GULP1: variants seen among roughly 807,000 people sequenced by gnomAD.
The protein encoded by GULP1 is PTB domain-containing engulfment adapter protein 1.
Under a neutral mutation model 40.9 loss-of-function variants are expected in GULP1, and 19 were observed. The ratio of observed to expected loss-of-function variants is 0.46; its 90% confidence interval spans 0.32 to 0.68. The LOEUF (loss-of-function observed/expected upper bound fraction) is 0.68. Among genes scored for constraint, GULP1 ranks in the 30% least tolerant of loss-of-function variants. The pLI is 0.03. For missense variants in GULP1, 312 were observed against 362.2 expected (o/e 0.86, Z 1.12); for synonymous variants, 119 against 117.6 (o/e 1.01, Z -0.08).
intron 7 of GULP1, among the ~76,000 whole-genome samples, chr2:188,560,487 G>C (rs994515440): frequency 4.6e-5 from 7 of 152,038 alleles, no homozygotes; most frequent in African/African-American, 1.7e-4. Flanking sequence ...CCCATCTTCT[G>C]AGCCCTTTAA....
At chr2:188,294,718 TGA>T (rs1308225759) in intron 1 of GULP1, among the ~76,000 whole-genome samples, 2 of 152,222 alleles carry the variant, frequency 1.3e-5, no homozygotes, top group African/African-American at 2.4e-5. Context: ...ATGTTTTCCC[TGA>T]CTATGATTTC....
At chr2:188,463,845 C>T (rs149558211) in intron 2 of GULP1, among the ~76,000 whole-genome samples, 48 of 152,150 alleles carry the variant, frequency 3.2e-4, no homozygotes, top group Middle Eastern at 3.4e-3. Context: ...AGAATTTCTG[C>T]TTGATTCTTT....
intron 2 of GULP1, among the ~76,000 whole-genome samples, chr2:188,401,013 C>A (rs923826040): frequency 2.0e-5 from 3 of 149,768 alleles, no homozygotes; most frequent in East Asian, 4.0e-4. Context: ...TTGGATATTT[C>A]TTTTAGTTTT....
intron 1 of GULP1, among the ~76,000 whole-genome samples, chr2:188,307,515 G>T (rs73978209): frequency 6.6e-6 from 1 of 151,856 alleles, no homozygotes; most frequent in African/African-American, 2.4e-5. Context: ...AAATAAGAAA[G>T]CCTCAATCCT....
intron 1 of GULP1, among the ~76,000 whole-genome samples, chr2:188,345,437 A>G (rs1383261749): frequency 6.6e-6 from 1 of 152,234 alleles, no homozygotes; most frequent in East Asian, 1.9e-4. Context: ...GAAACAGGAT[A>G]GAATGTACCC....
At chr2:188,487,670 G>A (rs1417648088) in intron 4 of GULP1, among the ~76,000 whole-genome samples, 1 of 151,856 alleles carries the variant, frequency 6.6e-6, no homozygotes, top group Non-Finnish European at 1.5e-5. Flanking sequence ...TCAAAACCAT[G>A]TCAGGGAGTT....
At chr2:188,384,578 C>A (rs973384593) in intron 2 of GULP1, among the ~76,000 whole-genome samples, 2 of 152,182 alleles carry the variant, frequency 1.3e-5, no homozygotes, top group African/African-American at 4.8e-5. Flanking sequence ...TCCCAACAAT[C>A]CCCCAAAGTC....
At chr2:188,363,516 T>C (rs1395611955) in intron 1 of GULP1, among the ~76,000 whole-genome samples, 1 of 152,154 alleles carries the variant, frequency 6.6e-6, no homozygotes, top group Non-Finnish European at 1.5e-5. Context: ...TTTGCAGTTA[T>C]AAGCTATCAA....
At chr2:188,554,140 C>T (rs1694182326) in intron 7 of GULP1, among the ~76,000 whole-genome samples, 1 of 151,696 alleles carries the variant, frequency 6.6e-6, no homozygotes, top group Non-Finnish European at 1.5e-5. Flanking sequence ...GTCTCTATTT[C>T]ATTTAGTTCT....
chr2:188,423,204 ATAGCTTAGTAAATTAG>A (rs2055697058), intron 2 of GULP1, among the ~76,000 whole-genome samples: 1 of 152,212 alleles, frequency 6.6e-6, no homozygotes, highest in African/African-American at 2.4e-5. Context: ...CACACTCAAA[ATAGCTTAGTAAATTAG>A]TAGCTTAGTA....
intron 2 of GULP1, among the ~76,000 whole-genome samples, chr2:188,441,720 G>A (rs1305968876): frequency 3.9e-5 from 6 of 152,164 alleles, no homozygotes; most frequent in African/African-American, 1.2e-4. Flanking sequence ...CTTGAGCCCA[G>A]GCCCAGGGAG....
At chr2:188,344,535 T>C (rs1297379395) in intron 1 of GULP1, among the ~76,000 whole-genome samples, 1 of 152,276 alleles carries the variant, frequency 6.6e-6, no homozygotes, top group Admixed American at 6.5e-5. Context: ...TAGAGAGATT[T>C]ATGATAAGAA....
intron 2 of GULP1, among the ~76,000 whole-genome samples, chr2:188,472,494 C>T (rs1467792713): frequency 1.3e-5 from 2 of 151,976 alleles, no homozygotes; most frequent in Admixed American, 6.6e-5. Context: ...TCTCCTCTGA[C>T]CATGTATTTT....
At chr2:188,425,398 T>TA (rs780471651) in intron 2 of GULP1, among the ~76,000 whole-genome samples, 5 of 152,266 alleles carry the variant, frequency 3.3e-5, no homozygotes, top group Non-Finnish European at 7.4e-5. Flanking sequence ...CTCCTCAACT[T>TA]TGAACTAAGA....
At chr2:188,532,605 A>G (rs1279224758) in intron 6 of GULP1, among the ~76,000 whole-genome samples, 3 of 152,072 alleles carry the variant, frequency 2.0e-5, no homozygotes, top group African/African-American at 4.8e-5. Context: ...TTTAAATGAG[A>G]CTATTTGTTC....
chr2:188,380,911 T>C (rs2048929997), intron 1 of GULP1, among the ~76,000 whole-genome samples: 1 of 152,150 alleles, frequency 6.6e-6, no homozygotes, highest in Admixed American at 6.5e-5. Flanking sequence ...TCTTAAATGG[T>C]ACTGTTGGGG....
chr2:188,394,133 CT>C (rs138651601), intron 2 of GULP1, among the ~76,000 whole-genome samples: 3,420 of 152,122 alleles, frequency 0.022, 137 homozygotes, highest in African/African-American at 0.078. Flanking sequence ...AAGCTTTTTG[CT>C]TTCTCTTCTC....
chr2:188,377,145 C>T (rs1242549257), intron 1 of GULP1, among the ~76,000 whole-genome samples: 2 of 151,176 alleles, frequency 1.3e-5, no homozygotes, highest in South Asian at 2.1e-4. Flanking sequence ...GCACTCCATC[C>T]TGGGCAACAG....
intron 2 of GULP1, among the ~76,000 whole-genome samples, chr2:188,398,832 A>C (rs1356654496): frequency 6.6e-6 from 1 of 152,218 alleles, no homozygotes; most frequent in Non-Finnish European, 1.5e-5. Flanking sequence ...AAATATTTTC[A>C]TGAGAATAAT....
Sources: allele counts gnomAD v4.1 joint callset (sites outside exome capture counted in the v4.1 genomes callset), GRCh38; gene constraint gnomAD v4.1.1; transcripts MANE v1.5; gene names NCBI Gene and HGNC (gene_info 2026-07-23, HGNC 2026-07-21).